The following XYLB variants were observed in gnomAD, a reference collection of about 807,000 sequenced individuals.
XYLB encodes the protein xylulose kinase.
In XYLB, 62 loss-of-function variants were observed where a neutral mutation model predicts 78.7. The observed-to-expected ratio is 0.79, with a 90% CI of 0.64 to 0.97. The LOEUF is 0.97. Ranked by LOEUF, XYLB falls within the 50% of genes least tolerant of loss-of-function variation. The pLI is 0.00. For missense variants in XYLB, 687 were observed against 676.8 expected (o/e 1.02, Z -0.17); for synonymous variants, 245 against 247.4 (o/e 0.99, Z 0.09).
chr3:38,423,320 C>T (rs1283688929), downstream of XYLB, among the ~76,000 whole-genome samples: 1 of 152,186 alleles, frequency 6.6e-6, no homozygotes, highest in African/African-American at 2.4e-5. Context: ...GATCCACCCA[C>T]CTTGGCCTCC....
chr3:38,379,630 A>G (rs1466345540), intron 15 of XYLB, among the ~76,000 whole-genome samples: 3 of 152,172 alleles, frequency 2.0e-5, no homozygotes, highest in Non-Finnish European at 4.4e-5. Context: ...CTGAAACCCT[A>G]AGCTCCAAGC....
chr3:38,442,604 T>C, the XYLB span, among the ~76,000 whole-genome samples: 1 of 152,078 alleles, frequency 6.6e-6, no homozygotes, highest in Non-Finnish European at 1.5e-5. Flanking sequence ...AGGGGTTGGG[T>C]ACAACTGGAT....
downstream of XYLB, among the ~76,000 whole-genome samples, chr3:38,422,790 C>T (rs1709019143): frequency 6.6e-6 from 1 of 151,878 alleles, no homozygotes; most frequent in Middle Eastern, 3.2e-3. Context: ...GGGTATGTGC[C>T]TGGCATGGGA....
chr3:38,362,366 T>C (rs1706019900), intron 3 of XYLB, among the ~76,000 whole-genome samples: 1 of 152,174 alleles, frequency 6.6e-6, no homozygotes, highest in Admixed American at 6.5e-5. Flanking sequence ...GCCTCCTGAG[T>C]AGCTGGGATT....
chr3:38,426,401 A>C, the XYLB span, among the ~76,000 whole-genome samples: 1 of 152,188 alleles, frequency 6.6e-6, no homozygotes, highest in African/African-American at 2.4e-5. Flanking sequence ...GTTAAGAAAC[A>C]TTTGAAAGGT....
At chr3:38,426,196 T>C (rs553285308), downstream of XYLB, among the ~76,000 whole-genome samples, 9 of 152,342 alleles carry the variant, frequency 5.9e-5, no homozygotes, top group South Asian at 1.9e-3. Flanking sequence ...AAATTCTACT[T>C]TGCTGTGGAA....
chr3:38,437,005 A>AAT, the XYLB span, among the ~76,000 whole-genome samples: 17 of 134,794 alleles, frequency 1.3e-4, no homozygotes, highest in African/African-American at 4.4e-4. Context: ...CTCCTTCTAA[A>AAT]AATAATAATA....
At chr3:38,431,966 T>C in the XYLB span, among the ~76,000 whole-genome samples, 1 of 152,122 alleles carries the variant, frequency 6.6e-6, no homozygotes, top group Non-Finnish European at 1.5e-5. Context: ...AAAAAAAAGA[T>C]AGTTACTTCC....
At chr3:38,371,424 C>T (rs914932105) in intron 9 of XYLB, among the ~76,000 whole-genome samples, 1 of 152,194 alleles carries the variant, frequency 6.6e-6, no homozygotes, top group South Asian at 2.1e-4. Flanking sequence ...TAGGTGCCCG[C>T]CACCACGCCT....
chr3:38,357,574 G>C (rs1705725131), intron 2 of XYLB, among the ~76,000 whole-genome samples: 1 of 152,140 alleles, frequency 6.6e-6, no homozygotes, highest in Non-Finnish European at 1.5e-5. Context: ...TTTTAGTAGA[G>C]ATGGGGTTTC....
chr3:38,400,830 G>A (rs1425701541), intron 17 of XYLB, 61 bp from the exon 18 acceptor site: 7 of 1,449,556 alleles, frequency 4.8e-6, no homozygotes, highest in Admixed American at 3.5e-5. Context: ...CCTTCGTGGT[G>A]TTTTTGGTTA....
At chr3:38,376,081 C>T (rs775040367) in intron 12 of XYLB, 36 bp from the exon 13 acceptor site, 33 of 1,440,474 alleles carry the variant, frequency 2.3e-5, no homozygotes, top group East Asian at 1.6e-4. Context: ...CAGCAAGCAC[C>T]AGCTCCCTCC....
In XYLB at chr3:38,413,323, G is replaced by A. The variant is rs980435843; in HGVS notation, c.*310G>A. On this transcript the variant is annotated 3_prime_UTR_variant, in exon 19 of 19. Transcript: ENST00000207870. ...AAAAACTATGACTTTTCCCCTTGCA[G>A]AGGCAGAATTAAAGCTAATCTAGGG... The A allele has an allele frequency of 3.5e-6, 1 of 285,074 alleles. No individual in the cohort carries two copies. Among genetic ancestry groups the A allele is most frequent in the African/African-American group, 2.2e-5 (1 of 45,638 alleles). 17.7% of individuals were successfully genotyped at this position (285,074 alleles called of 1,614,324 possible). A position where few individuals can be genotyped will look rare whatever the true frequency, so the allele number is the denominator to read the frequency against.
the XYLB span, chr3:38,451,008 A>C: frequency 2.0e-5 from 3 of 152,226 alleles, no homozygotes; most frequent in African/African-American, 7.2e-5. Flanking sequence ...CAGAAAGCCA[A>C]TCACTGAGAT....
At chr3:38,448,516 A>T in the XYLB span, among the ~76,000 whole-genome samples, 1 of 152,202 alleles carries the variant, frequency 6.6e-6, no homozygotes, top group Non-Finnish European at 1.5e-5. Flanking sequence ...TCACTTCTGT[A>T]TCTGTTCCTA....
chr3:38,375,286 T>C, intron 12 of XYLB, 27 bp downstream of exon 12: 1 of 1,599,350 alleles, frequency 6.3e-7, no homozygotes, highest in Non-Finnish European at 8.6e-7. Context: ...GTTGGCACCA[T>C]TCCCTGGGTG....
chr3:38,408,057 C>G (rs1171420731), intron 18 of XYLB, among the ~76,000 whole-genome samples: 1 of 151,816 alleles, frequency 6.6e-6, no homozygotes, highest in African/African-American at 2.4e-5. Flanking sequence ...ACAGAACTCT[C>G]CACCCCAAAT....
the XYLB span, among the ~76,000 whole-genome samples, chr3:38,440,952 T>G: frequency 1.3e-5 from 2 of 151,888 alleles, no homozygotes; most frequent in Non-Finnish European, 2.9e-5. Flanking sequence ...GTCTTTCCCC[T>G]CTCTCTTTCC....
chr3:38,379,276 C>T lies in XYLB; in HGVS notation c.1225C>T (p.Arg409Ter), dbSNP rs774058695. 1.9e-5 allele frequency: 31 copies of T among 1,614,002 alleles called. No homozygotes were observed. Among genetic ancestry groups the T allele is most frequent in the African/African-American group, 8.0e-5 (6 of 74,894 alleles). Residue 409 changes from arginine to a stop codon, truncating the protein, a stop_gained, in exon 15 of 19, where the codon CGA becomes TGA. Coordinates refer to ENST00000207870, the MANE Select transcript of XYLB (RefSeq NM_005108.4). LOFTEE classifies it high-confidence loss of function. ...AGCATTCCCTGGGGATGTGGAGGTTCGAGCACTAATTGAAGGACAATTCAT... is the reference window on the plus strand; with the variant it reads ...AGCATTCCCTGGGGATGTGGAGGTTTGAGCACTAATTGAAGGACAATTCAT... ...VAAFPGDVEV[R>*]ALIEGQFMAK...
Sources: allele counts gnomAD v4.1 joint callset (sites outside exome capture counted in the v4.1 genomes callset), GRCh38; gene constraint gnomAD v4.1.1; transcripts MANE v1.5; gene names NCBI Gene and HGNC (gene_info 2026-07-23, HGNC 2026-07-21).